Variants in XKR9 observed in about 807,000 individuals in gnomAD.
XKR9 encodes XK related 9.
Under a neutral mutation model 32.0 loss-of-function variants are expected in XKR9, and 32 were observed. The observed-to-expected ratio is 1.00, with a 90% CI of 0.76 to 1.34. The LOEUF (loss-of-function observed/expected upper bound fraction) is 1.34. XKR9 is among the 40% of genes most tolerant of loss of function. The probability of loss-of-function intolerance (pLI) is 0.00; values close to 1 mark genes in which losing one functional copy is unlikely to be tolerated. For missense variants in XKR9, 546 were observed against 429.7 expected (o/e 1.27, Z -2.39); for synonymous variants, 168 against 143.4 (o/e 1.17, Z -1.22).
At chr8:71,061,744 AC>A in the XKR9 span, among the ~76,000 whole-genome samples, 4 of 152,160 alleles carry the variant, frequency 2.6e-5, no homozygotes, top group Non-Finnish European at 5.9e-5. Flanking sequence ...GTGAGAAGCC[AC>A]CCAGGAGAGC....
chr8:70,718,545 C>T (rs1806168484), intron 4 of XKR9, among the ~76,000 whole-genome samples: 1 of 152,104 alleles, frequency 6.6e-6, no homozygotes, highest in Non-Finnish European at 1.5e-5. Context: ...TTGTTCAACT[C>T]CCATTTATGA....
chr8:70,821,404 G>T, the XKR9 span, among the ~76,000 whole-genome samples: 1 of 152,174 alleles, frequency 6.6e-6, no homozygotes, highest in Non-Finnish European at 1.5e-5. Flanking sequence ...GCAAGCTGTT[G>T]GTGGATCTAC....
At chr8:70,921,413 A>G in the XKR9 span, among the ~76,000 whole-genome samples, 3 of 152,202 alleles carry the variant, frequency 2.0e-5, no homozygotes, top group Non-Finnish European at 4.4e-5. Context: ...TGGGTAGCAA[A>G]CTAAAATGAA....
the XKR9 span, among the ~76,000 whole-genome samples, chr8:70,921,506 A>G: frequency 3.3e-5 from 5 of 152,102 alleles, no homozygotes; most frequent in Non-Finnish European, 7.4e-5. Context: ...ATTTTTTTCA[A>G]TTTTTGCAAA....
At chr8:70,772,551 C>T (rs1391764522) in intron 2 of XKR9, among the ~76,000 whole-genome samples, 1 of 152,054 alleles carries the variant, frequency 6.6e-6, no homozygotes, top group Non-Finnish European at 1.5e-5. Flanking sequence ...AGCTAACAAG[C>T]CAGGAATCTT....
the XKR9 span, among the ~76,000 whole-genome samples, chr8:70,871,287 C>T: frequency 1.3e-5 from 2 of 152,028 alleles, no homozygotes; most frequent in African/African-American, 4.8e-5. Context: ...CATTTAATTT[C>T]TTTCTTATTA....
At chr8:71,003,604 G>A in the XKR9 span, among the ~76,000 whole-genome samples, 4 of 152,214 alleles carry the variant, frequency 2.6e-5, no homozygotes, top group African/African-American at 4.8e-5. Context: ...TGTGCTTTGG[G>A]GGCTGGTTTA....
chr8:70,979,929 C>G, the XKR9 span, among the ~76,000 whole-genome samples: 3 of 152,358 alleles, frequency 2.0e-5, no homozygotes, highest in South Asian at 6.2e-4. Flanking sequence ...TTCGAGCTTC[C>G]TGGCTGCTTT....
At chr8:71,064,117 T>C in the XKR9 span, among the ~76,000 whole-genome samples, 4 of 152,192 alleles carry the variant, frequency 2.6e-5, no homozygotes, top group South Asian at 8.3e-4. Flanking sequence ...TCTTTAGACA[T>C]AAAATCTTTA....
the XKR9 span, among the ~76,000 whole-genome samples, chr8:71,007,956 A>T: frequency 1.5e-4 from 23 of 152,198 alleles, no homozygotes; most frequent in Non-Finnish European, 2.4e-4. Flanking sequence ...ACATTTATTT[A>T]GAATAAATGG....
the XKR9 span, among the ~76,000 whole-genome samples, chr8:70,942,473 A>G: frequency 6.6e-6 from 1 of 152,102 alleles, no homozygotes; most frequent in African/African-American, 2.4e-5. Context: ...GGAGGAAGCA[A>G]TAGTCCAAGG....
the XKR9 span, among the ~76,000 whole-genome samples, chr8:70,876,911 C>T: frequency 1.3e-5 from 2 of 151,706 alleles, no homozygotes; most frequent in African/African-American, 2.4e-5. Flanking sequence ...ATAATAATGT[C>T]GTACTGTTTT....
the XKR9 span, among the ~76,000 whole-genome samples, chr8:70,970,423 C>G: frequency 6.6e-6 from 1 of 151,990 alleles, no homozygotes; most frequent in Non-Finnish European, 1.5e-5. Flanking sequence ...TACCCATCAA[C>G]CCATCACCTA....
chr8:70,710,675 A>G (rs1375136370), intron 4 of XKR9, among the ~76,000 whole-genome samples: 1 of 151,988 alleles, frequency 6.6e-6, no homozygotes, highest in African/African-American at 2.4e-5. Flanking sequence ...CTGTACTCCA[A>G]CCTGGGTGAC....
At chr8:70,787,558 C>T (rs1807704527) in intron 2 of XKR9, among the ~76,000 whole-genome samples, 1 of 151,944 alleles carries the variant, frequency 6.6e-6, no homozygotes, top group African/African-American at 2.4e-5. Flanking sequence ...TGCATTCCAC[C>T]AGAATAAAAT....
At chr8:70,846,516 A>G in the XKR9 span, among the ~76,000 whole-genome samples, 5 of 152,074 alleles carry the variant, frequency 3.3e-5, no homozygotes, top group Non-Finnish European at 5.9e-5. Flanking sequence ...GGTAGGAATA[A>G]GTCTTCATAT....
chr8:70,729,487 T>G (rs1450410990), intron 4 of XKR9, among the ~76,000 whole-genome samples: 1 of 152,190 alleles, frequency 6.6e-6, no homozygotes, highest in Non-Finnish European at 1.5e-5. Flanking sequence ...TGGAAGTTTT[T>G]TCTCTTTATT....
At chr8:70,808,831 C>T in the XKR9 span, among the ~76,000 whole-genome samples, 52 of 152,344 alleles carry the variant, frequency 3.4e-4, no homozygotes, top group African/African-American at 9.9e-4. Flanking sequence ...CTGCAGCTCA[C>T]GGAGGCCTGC....
chr8:70,987,231 A>G, the XKR9 span, among the ~76,000 whole-genome samples: 1 of 152,208 alleles, frequency 6.6e-6, no homozygotes, highest in Admixed American at 6.5e-5. Context: ...TGCCTTCCCA[A>G]CAATCCCAGA....
Sources: gnomAD v4.1 joint callset for allele counts (sites outside exome capture counted in the v4.1 genomes callset) on GRCh38, gnomAD v4.1.1 for gene constraint, MANE v1.5 for transcripts, NCBI Gene and HGNC (gene_info 2026-07-23, HGNC 2026-07-21) for gene names.